PTPDC1: variants seen among roughly 807,000 people sequenced by gnomAD.
PTPDC1 encodes protein tyrosine phosphatase domain containing 1, also known as protein tyrosine phosphatase domain-containing protein 1.
PTPDC1 carries 53 observed loss-of-function variants against 75.3 expected under a neutral mutation model. That is an observed-to-expected ratio of 0.70 (90% CI 0.56 to 0.88). PTPDC1 has a LOEUF of 0.88. Among genes scored for constraint, PTPDC1 ranks in the 40% least tolerant of loss-of-function variants. The pLI is 0.00. For missense variants in PTPDC1, 925 were observed against 998.6 expected (o/e 0.93, Z 0.99); for synonymous variants, 349 against 366.2 (o/e 0.95, Z 0.54).
At chr9:94,088,963 G>A (rs1312460091) in intron 4 of PTPDC1, among the ~76,000 whole-genome samples, 1 of 151,954 alleles carries the variant, frequency 6.6e-6, no homozygotes, top group Admixed American at 6.6e-5. Flanking sequence ...AGTAACTATA[G>A]CATGAATCAT....
chr9:94,051,981 A>G (rs1056456095), intron 1 of PTPDC1, among the ~76,000 whole-genome samples: 1 of 152,162 alleles, frequency 6.6e-6, no homozygotes, highest in African/African-American at 2.4e-5. Flanking sequence ...TTTCTAAAAT[A>G]TGCTTTTACT....
At chr9:94,061,540 C>T (rs556697423) in intron 1 of PTPDC1, among the ~76,000 whole-genome samples, 1 of 152,346 alleles carries the variant, frequency 6.6e-6, no homozygotes, top group East Asian at 1.9e-4. Flanking sequence ...CAGCAGGCTT[C>T]GGCCTGGACA....
intron 1 of PTPDC1, among the ~76,000 whole-genome samples, chr9:94,055,532 T>C (rs899689869): frequency 6.6e-6 from 1 of 152,198 alleles, no homozygotes; most frequent in Non-Finnish European, 1.5e-5. Context: ...AAACAAGCTA[T>C]TAAGCTATGA....
chr9:94,105,984 A>AG lies in PTPDC1; in HGVS notation c.2310+1600dup, dbSNP rs957963562. 2.7e-4 allele frequency among the ~76,000 whole-genome samples: 41 copies of AG among 152,180 alleles called. 1 individual carries two copies. Among genetic ancestry groups the AG allele is most frequent in the African/African-American group, 9.4e-4 (39 of 41,542 alleles). ...CAAGACTCCATCTCAAAAAAAAAAAAGTAAACAATTCACACCATTATTAAT... is the reference window on the plus strand; with the variant it reads ...CAAGACTCCATCTCAAAAAAAAAAAAGGTAAACAATTCACACCATTATTAAT... On this transcript the variant is annotated intron_variant, in intron 8 of 8. Coordinates refer to ENST00000620992, the MANE Select transcript of PTPDC1 (RefSeq NM_001253829.2).
At chr9:94,043,812 T>C (rs1013633593) in intron 1 of PTPDC1, among the ~76,000 whole-genome samples, 12 of 152,238 alleles carry the variant, frequency 7.9e-5, no homozygotes, top group Admixed American at 7.2e-4. Flanking sequence ...CATTTATATT[T>C]AGGTCTAAGA....
chr9:94,070,203 C>G (rs1015454051), intron 2 of PTPDC1, among the ~76,000 whole-genome samples: 8 of 152,142 alleles, frequency 5.3e-5, no homozygotes, highest in Non-Finnish European at 1.0e-4. Flanking sequence ...AGAAACCTGG[C>G]TCTTATTATC....
intron 1 of PTPDC1, among the ~76,000 whole-genome samples, chr9:94,045,134 G>A (rs1587841372): frequency 6.7e-6 from 1 of 150,252 alleles, no homozygotes; most frequent in East Asian, 2.0e-4. Context: ...GAGAATGATG[G>A]TTTCCATCTT....
chr9:94,095,914 C>G (rs1827546705), intron 5 of PTPDC1, among the ~76,000 whole-genome samples: 1 of 152,126 alleles, frequency 6.6e-6, no homozygotes, highest in African/African-American at 2.4e-5. Flanking sequence ...GTTGGAGAAA[C>G]TGCAATTTGA....
In PTPDC1 at chr9:94,107,938, C is replaced by G. The variant is rs773426115; in HGVS notation, c.2421C>G (p.Gly807=). 1.3e-6 allele frequency: 2 copies of G among 1,573,444 alleles called. No homozygotes were observed. The highest frequency in any genetic ancestry group is 1.7e-6 in the Non-Finnish European group (2 of 1,156,858). Residue 807 remains glycine, a synonymous_variant, in exon 9 of 9, where the codon GGC becomes GGG. Transcript: ENST00000620992. ...RKMTKDGPKP[G]L is the part of the protein sequence containing the mutation. ...TGACAAAAGATGGCCCTAAGCCTGG[C>G]CTCTAGCTTTCACTCGTGGTGAATA...
At chr9:94,063,186 T>C (rs916903572) in intron 1 of PTPDC1, among the ~76,000 whole-genome samples, 1 of 152,214 alleles carries the variant, frequency 6.6e-6, no homozygotes, top group Non-Finnish European at 1.5e-5. Flanking sequence ...TGGGACATGG[T>C]TCATAACTTC....
intron 1 of PTPDC1, among the ~76,000 whole-genome samples, chr9:94,046,904 C>G (rs892374103): frequency 6.0e-4 from 92 of 152,276 alleles, no homozygotes; most frequent in Non-Finnish European, 1.1e-3. Context: ...TGGTGAGAGA[C>G]AGCATCCCTG....
intron 4 of PTPDC1, among the ~76,000 whole-genome samples, chr9:94,089,462 T>C (rs1827211698): frequency 9.0e-6 from 1 of 111,322 alleles, no homozygotes; most frequent in African/African-American, 3.5e-5. Context: ...CCACATTTTC[T>C]TAATCCAGTC....
At chr9:94,047,275 A>G (rs1373292988) in intron 1 of PTPDC1, among the ~76,000 whole-genome samples, 4 of 152,198 alleles carry the variant, frequency 2.6e-5, no homozygotes, top group Non-Finnish European at 4.4e-5. Flanking sequence ...TTTTACATCA[A>G]TGTTCATCAA....
chr9:94,067,125 C>G (rs1826334582), intron 2 of PTPDC1, among the ~76,000 whole-genome samples: 1 of 152,128 alleles, frequency 6.6e-6, no homozygotes, highest in South Asian at 2.1e-4. Flanking sequence ...CGCGGTAGCT[C>G]ACGCCTGTAA....
At chr9:94,053,451 G>C (rs1278739708) in intron 1 of PTPDC1, among the ~76,000 whole-genome samples, 1 of 151,990 alleles carries the variant, frequency 6.6e-6, no homozygotes, top group African/African-American at 2.4e-5. Flanking sequence ...TTTTTGTTTA[G>C]TTTTACTACA....
At chr9:94,048,804 G>T (rs930772375) in intron 1 of PTPDC1, among the ~76,000 whole-genome samples, 3 of 152,154 alleles carry the variant, frequency 2.0e-5, no homozygotes, top group Non-Finnish European at 2.9e-5. Context: ...GGATAGTGGG[G>T]TGTTAAAGTC....
chr9:94,079,639 T>G (rs532460090), upstream of PTPDC1, among the ~76,000 whole-genome samples: 4 of 152,352 alleles, frequency 2.6e-5, no homozygotes, highest in East Asian at 7.7e-4. Context: ...AAACCTCCAT[T>G]GTTTTTGAAA....
At chr9:94,053,120 T>C (rs1430859396) in intron 1 of PTPDC1, among the ~76,000 whole-genome samples, 5 of 152,160 alleles carry the variant, frequency 3.3e-5, no homozygotes, top group Admixed American at 6.5e-5. Flanking sequence ...GTGTTGTTTT[T>C]CCCCAATCTG....
chr9:94,056,960 C>A (rs1047352090), intron 1 of PTPDC1, among the ~76,000 whole-genome samples: 1 of 152,076 alleles, frequency 6.6e-6, no homozygotes, highest in East Asian at 1.9e-4. Flanking sequence ...AAATAATATG[C>A]GATTTTGCAG....
Sources: gnomAD v4.1 joint callset for allele counts (sites outside exome capture counted in the v4.1 genomes callset) on GRCh38, gnomAD v4.1.1 for gene constraint, MANE v1.5 for transcripts, NCBI Gene and HGNC (gene_info 2026-07-23, HGNC 2026-07-21) for gene names.